The following CPPED1 variants were observed in gnomAD, a reference collection of about 807,000 sequenced individuals.
The protein encoded by CPPED1 is serine/threonine-protein phosphatase CPPED1.
In CPPED1, 28 loss-of-function variants were observed where a neutral mutation model predicts 28.0. The observed-to-expected ratio is 1.00, with a 90% CI of 0.74 to 1.37. The LOEUF (loss-of-function observed/expected upper bound fraction) is 1.37, where lower values mean the gene tolerates loss of function less well. Among genes scored for constraint, CPPED1 ranks in the 40% most tolerant of loss-of-function variants. The pLI is 0.00. For missense variants in CPPED1, 504 were observed against 416.5 expected (o/e 1.21, Z -1.83); for synonymous variants, 198 against 180.2 (o/e 1.10, Z -0.79).
chr16:12,788,236 G>A (rs75576922), intron 1 of CPPED1, among the ~76,000 whole-genome samples: 5,679 of 152,202 alleles, frequency 0.037, 277 homozygotes, highest in East Asian at 0.11. Context: ...AGTTACCAGG[G>A]CAGCCCACCT....
At position 12,682,327 on chromosome 16, in the gene CPPED1, C is replaced by T. The variant is rs547045612; in HGVS notation, c.716-17212G>A. Among the ~76,000 whole-genome samples the T allele has an allele frequency of 3.2e-4, 49 of 152,268 alleles. No homozygotes were observed. Among genetic ancestry groups the T allele is most frequent in the East Asian group, 9.7e-4 (5 of 5,178 alleles). ...CTGAGATTACAGACACGAGCCACCG[C>T]GCCCAGCCCCTTTATTACTTTTCTA... On this transcript the variant is annotated intron_variant, in intron 3 of 3. Coordinates refer to ENST00000381774, the MANE Select transcript of CPPED1 (RefSeq NM_018340.3). This position sits in a 1 kb window ranked among gnomAD's most constrained non-coding sequence, Gnocchi z 6.1.
Position 12,664,993 on chromosome 16 carries a change from C to G in CPPED1, c.838G>C (p.Val280Leu). ...QLGRDPHGLRVVVVTAEKIVH... is the reference protein window; with the variant it reads ...QLGRDPHGLRLVVVTAEKIVH... ...ATTTTCTCGGCGGTGACCACCACGA[C>G]TCGGAGCCCGTGGGGGTCTCTGCCC... The change falls in exon 4 of 4, where the codon GTC becomes CTC. Residue 280 changes from valine to leucine, a missense_variant. Val to Leu is a conservative substitution (Grantham distance 32). Coordinates refer to ENST00000381774, the MANE Select transcript of CPPED1 (RefSeq NM_018340.3). This position sits in a 1 kb window ranked among gnomAD's most constrained non-coding sequence, Gnocchi z 4.2. 6.2e-7 allele frequency: 1 copy of G among 1,611,830 alleles called. No homozygotes were observed. Among genetic ancestry groups the G allele is most frequent in the Non-Finnish European group, 8.5e-7 (1 of 1,179,240 alleles).
chr16:12,735,537 T>G (rs1310421811), intron 2 of CPPED1, among the ~76,000 whole-genome samples: 2 of 152,214 alleles, frequency 1.3e-5, no homozygotes, highest in African/African-American at 4.8e-5. Context: ...ACTCTTGACC[T>G]CAAGTGATCA....
At chr16:12,701,676 T>TG (rs1360699572) in intron 3 of CPPED1, among the ~76,000 whole-genome samples, 4 of 152,172 alleles carry the variant, frequency 2.6e-5, no homozygotes, top group African/African-American at 9.7e-5. Flanking sequence ...CCTCATGCTT[T>TG]GCAGTCAGTT....
chr16:12,784,002 G>A (rs372870559), intron 1 of CPPED1, among the ~76,000 whole-genome samples: 15 of 150,430 alleles, frequency 1.0e-4, no homozygotes, highest in African/African-American at 3.3e-4. Context: ...CCTGCCTCCT[G>A]ATATTCACAT....
chr16:12,707,473 A>G (rs935262311), intron 2 of CPPED1, among the ~76,000 whole-genome samples: 2 of 152,170 alleles, frequency 1.3e-5, no homozygotes, highest in Non-Finnish European at 2.9e-5. Flanking sequence ...TGCTCTCAGG[A>G]TGACTTCTCC....
At chr16:12,756,219 A>G (rs557204258) in intron 2 of CPPED1, among the ~76,000 whole-genome samples, 2 of 152,284 alleles carry the variant, frequency 1.3e-5, no homozygotes, top group African/African-American at 2.4e-5. Flanking sequence ...CAATTTGGGA[A>G]GGACACGCTG....
At chr16:12,775,758 A>C (rs1167600128) in intron 2 of CPPED1, among the ~76,000 whole-genome samples, 2 of 152,236 alleles carry the variant, frequency 1.3e-5, no homozygotes, top group Non-Finnish European at 2.9e-5. Flanking sequence ...CAGATGAACA[A>C]GAGTTCCCAG....
At chr16:12,703,557 T>C (rs1290911036) in intron 3 of CPPED1, among the ~76,000 whole-genome samples, 2 of 151,750 alleles carry the variant, frequency 1.3e-5, no homozygotes, top group African/African-American at 4.8e-5. Flanking sequence ...TGGTCAGCGT[T>C]TGTAATCCCA....
intron 1 of CPPED1, among the ~76,000 whole-genome samples, chr16:12,786,466 G>C (rs569770949): frequency 6.6e-6 from 1 of 152,238 alleles, no homozygotes; most frequent in East Asian, 1.9e-4. Flanking sequence ...ATTTTGTTTT[G>C]GTTTGGTTTT....
At chr16:12,724,227 C>T (rs1042633397) in intron 2 of CPPED1, among the ~76,000 whole-genome samples, 17 of 152,124 alleles carry the variant, frequency 1.1e-4, no homozygotes, top group Non-Finnish European at 1.9e-4. Context: ...AAGACGTCCC[C>T]GAACTCACAG....
chr16:12,779,491 C>T (rs549945880), intron 2 of CPPED1, among the ~76,000 whole-genome samples: 10 of 151,842 alleles, frequency 6.6e-5, no homozygotes, highest in East Asian at 3.9e-4. Flanking sequence ...CGAGTTCAAG[C>T]GATTCTCCTG....
At chr16:12,791,253 CCCCT>C (rs2080594952) in intron 1 of CPPED1, among the ~76,000 whole-genome samples, 1 of 151,978 alleles carries the variant, frequency 6.6e-6, no homozygotes, top group Non-Finnish European at 1.5e-5. Context: ...GTGTGATGTT[CCCCT>C]CCCTGTGTCC....
chr16:12,766,879 C>T (rs73506401), intron 2 of CPPED1, among the ~76,000 whole-genome samples: 1 of 152,132 alleles, frequency 6.6e-6, no homozygotes, highest in Non-Finnish European at 1.5e-5. Flanking sequence ...CTGCCATAGC[C>T]GATTTGCCTA....
At chr16:12,729,283 G>A (rs2080185493) in intron 2 of CPPED1, among the ~76,000 whole-genome samples, 1 of 152,116 alleles carries the variant, frequency 6.6e-6, no homozygotes. Context: ...CTGGGACCCA[G>A]GGATATTATT....
At chr16:12,770,577 T>C (rs34694148) in intron 2 of CPPED1, among the ~76,000 whole-genome samples, 32,810 of 151,874 alleles carry the variant, frequency 0.22, 4,142 homozygotes, top group East Asian at 0.3. Context: ...AATCCCAGCA[T>C]TTTGGGAGGC....
intron 2 of CPPED1, among the ~76,000 whole-genome samples, chr16:12,714,191 C>T (rs1377673567): frequency 3.9e-5 from 6 of 152,080 alleles, no homozygotes; most frequent in Admixed American, 3.3e-4. Context: ...TACTGATGGA[C>T]GTTTGGGTTG....
intron 2 of CPPED1, among the ~76,000 whole-genome samples, chr16:12,727,456 C>T (rs920688331): frequency 6.6e-6 from 1 of 152,062 alleles, no homozygotes; most frequent in Non-Finnish European, 1.5e-5. Context: ...GGGATCAAGC[C>T]ATCCTCCCAC....
At chr16:12,748,167 CAT>C (rs2080303378) in intron 2 of CPPED1, among the ~76,000 whole-genome samples, 1 of 152,214 alleles carries the variant, frequency 6.6e-6, no homozygotes, top group African/African-American at 2.4e-5. Flanking sequence ...AAAGCTCACT[CAT>C]AGTGGCATAA....
Sources: gnomAD v4.1 joint callset for allele counts (sites outside exome capture counted in the v4.1 genomes callset) on GRCh38, gnomAD v4.1.1 for gene constraint, Gnocchi (gnomAD v3.1) non-coding constraint, MANE v1.5 for transcripts, NCBI Gene and HGNC (gene_info 2026-07-23, HGNC 2026-07-21) for gene names.